GLB1: variants seen among roughly 807,000 people sequenced by gnomAD.
The protein encoded by GLB1 is beta-galactosidase.
In GLB1, 56 loss-of-function variants were observed where a neutral mutation model predicts 74.0. The ratio of observed to expected loss-of-function variants is 0.76; its 90% CI spans 0.61 to 0.94. The LOEUF (loss-of-function observed/expected upper bound fraction) is 0.94, where lower values mean the gene tolerates loss of function less well. Ranked by LOEUF, GLB1 falls within the 40% of genes least tolerant of loss-of-function variation. The pLI is 0.00. For synonymous variants in GLB1, 323 were observed against 323.6 expected (o/e 1.00, Z 0.02); for missense variants, 787 against 845.5 (o/e 0.93, Z 0.86).
intron 12 of GLB1, among the ~76,000 whole-genome samples, chr3:33,020,075 T>C (rs937401836): frequency 6.6e-6 from 1 of 152,192 alleles, no homozygotes; most frequent in Admixed American, 6.5e-5. Context: ...TCTGGGATCA[T>C]TGTCTGAAGT....
chr3:33,065,374 G>A, intron 5 of GLB1, 89 bp downstream of exon 5: 1 of 1,478,744 alleles, frequency 6.8e-7, no homozygotes, highest in African/African-American at 1.4e-5. Context: ...GACCTATGAG[G>A]CTCATGTCTG....
chr3:33,065,534 A>C lies in GLB1; in HGVS notation c.481T>G (p.Trp161Gly), dbSNP rs398123355. ...DPDYLAAVDK[W>G]LGVLLPKMKP... ...ATCTTGGGCAGAAGGACTCCCAACC[A>C]CTTGTCCACAGCTGCCAGGTAATCT... The change falls in exon 5 of 16, where the codon TGG becomes GGG. Residue 161 changes from tryptophan to glycine, a missense_variant. Trp to Gly is a radical substitution (Grantham distance 184). Coordinates refer to ENST00000307363, the MANE Select transcript of GLB1 (RefSeq NM_000404.4). The C allele has an allele frequency of 5.7e-6, 9 of 1,581,156 alleles. No homozygotes were observed. The highest frequency in any genetic ancestry group is 6.0e-6 in the Non-Finnish European group (7 of 1,160,066).
At chr3:33,051,719 T>G in intron 9 of GLB1, 39 bp downstream of exon 9, 1 of 1,613,882 alleles carries the variant, frequency 6.2e-7, no homozygotes, top group Non-Finnish European at 8.5e-7. Context: ...AACAGAAACA[T>G]TCTAGCATAA....
In GLB1 at chr3:32,997,067, T is replaced by C. The variant is rs1696330609; in HGVS notation, c.2012A>G (p.Asp671Gly). 1.1e-5 allele frequency: 17 copies of C among 1,614,112 alleles called. No individual in the cohort carries two copies. In the Middle Eastern group the frequency reaches 4.9e-4, roughly 47 times the overall value. The change falls in exon 16 of 16, where the codon GAT (aspartate) becomes GGT (glycine). Residue 671 changes from aspartate (D) to glycine (G), a missense_variant. By Grantham distance (94) the Asp-to-Gly change is moderately conservative (BLOSUM62 -1). Transcript: ENST00000307363. ...LMPPPPQKNK[D>G]SWLDHV ...TCATCATACATGGTCCAGCCATGAA[T>C]CTTTGTTTTTTTGCGGGGGTGGGGG...
intron 1 of GLB1, chr3:33,090,793 C>A: frequency 1.0e-6 from 1 of 985,276 alleles, no homozygotes; most frequent in Middle Eastern, 5.2e-4. Context: ...TTCTCAGATA[C>A]ATAGGATGGA....
At chr3:33,016,066 G>A (rs1230507353) in intron 14 of GLB1, among the ~76,000 whole-genome samples, 1 of 152,204 alleles carries the variant, frequency 6.6e-6, no homozygotes, top group Non-Finnish European at 1.5e-5. Flanking sequence ...CAACAGAGGT[G>A]AGAGCCAGTG....
rs10559091 is a variant in GLB1, at chr3:33,056,227, C to CA, written c.733+1861dup. On this transcript the variant is annotated intron_variant, in intron 6 of 15. Coordinates refer to ENST00000307363, the MANE Select transcript of GLB1 (RefSeq NM_000404.4). ...GGGCAACAAGAGCGAAACTCCACCT[C>CA]AAAAAAAAAAAAAAAAAAAAAAAAA... Among the ~76,000 whole-genome samples the CA allele has an allele frequency of 2.8e-3, 134 of 48,624 alleles. 14 individuals are homozygous for CA. Among genetic ancestry groups the CA allele is most frequent in the African/African-American group, 6.1e-3 (79 of 12,904 alleles). 31.9% of individuals were successfully genotyped at this position (48,624 alleles called of 152,430 possible).
chr3:33,030,921 C>T, intron 10 of GLB1: 7 of 666,142 alleles, frequency 1.1e-5, no homozygotes, highest in South Asian at 6.7e-5. Context: ...AAGAGGAGGT[C>T]GCTGCCCTAT....
chr3:33,032,126 G>T (rs565705276), intron 10 of GLB1, among the ~76,000 whole-genome samples: 1 of 152,142 alleles, frequency 6.6e-6, no homozygotes, highest in Admixed American at 6.5e-5. Context: ...TCCTTTGTGG[G>T]TTCTCTTACT....
intron 6 of GLB1, among the ~76,000 whole-genome samples, chr3:33,056,071 T>C (rs1699201749): frequency 6.6e-6 from 1 of 151,220 alleles, no homozygotes; most frequent in Admixed American, 6.6e-5. Flanking sequence ...CTACTAAAAA[T>C]ACAAAAATTA....
At chr3:33,016,957 GGA>G in intron 13 of GLB1, 117 bp from the exon 14 acceptor site, 2 of 1,492,084 alleles carry the variant, frequency 1.3e-6, no homozygotes, top group Non-Finnish European at 1.8e-6. Context: ...CACCAGACTT[GGA>G]AAGAAATGCT....
chr3:33,013,282 T>C (rs946049142), intron 15 of GLB1, among the ~76,000 whole-genome samples: 2 of 152,186 alleles, frequency 1.3e-5, no homozygotes, highest in Non-Finnish European at 2.9e-5. Flanking sequence ...ATGCACCAAT[T>C]ATTATCAACC....
At chr3:32,981,306 G>A in the GLB1 span, among the ~76,000 whole-genome samples, 1 of 148,878 alleles carries the variant, frequency 6.7e-6, no homozygotes, top group Non-Finnish European at 1.5e-5. Context: ...GGGAGGCTGA[G>A]GCCGAATCAC....
chr3:32,961,225 C>T, the GLB1 span, among the ~76,000 whole-genome samples: 2 of 152,266 alleles, frequency 1.3e-5, no homozygotes, highest in East Asian at 1.9e-4. Flanking sequence ...ATTTTAAAAC[C>T]CCCAAACTCC....
At chr3:33,033,425 T>C (rs1698137924) in intron 10 of GLB1, among the ~76,000 whole-genome samples, 1 of 152,194 alleles carries the variant, frequency 6.6e-6, no homozygotes, top group Admixed American at 6.5e-5. Context: ...AGATTTCTAT[T>C]CTCTCTAGAG....
intron 3 of GLB1, 26 bp downstream of exon 3, chr3:33,068,794 G>A (rs1699789229): frequency 1.9e-6 from 3 of 1,613,108 alleles, no homozygotes; most frequent in Middle Eastern, 1.9e-4. Flanking sequence ...CACACACCAG[G>A]TAGAGCCCAG....
At chr3:32,963,741 G>A in the GLB1 span, among the ~76,000 whole-genome samples, 27 of 152,288 alleles carry the variant, frequency 1.8e-4, no homozygotes, top group Non-Finnish European at 3.5e-4. Flanking sequence ...AAACCTGTAA[G>A]TATAAACCCC....
intron 5 of GLB1, among the ~76,000 whole-genome samples, chr3:33,064,633 C>T (rs1263431690): frequency 6.6e-6 from 1 of 151,150 alleles, no homozygotes; most frequent in Non-Finnish European, 1.5e-5. Context: ...AAAAATTAGC[C>T]AGGCATGGTG....
intron 10 of GLB1, among the ~76,000 whole-genome samples, chr3:33,031,913 T>A (rs1698061387): frequency 6.6e-6 from 1 of 151,890 alleles, no homozygotes; most frequent in Admixed American, 6.6e-5. Flanking sequence ...TTCTCCTGCC[T>A]CAGCCACCAG....
Sources: allele counts gnomAD v4.1 joint callset (sites outside exome capture counted in the v4.1 genomes callset), GRCh38; gene constraint gnomAD v4.1.1; transcripts MANE v1.5; gene names NCBI Gene and HGNC (gene_info 2026-07-23, HGNC 2026-07-21).